The following SLC26A2 variants were observed in gnomAD, a reference collection of about 807,000 sequenced individuals.
The protein encoded by SLC26A2 is solute carrier family 26 member 2, also known as sulfate transporter.
SLC26A2 carries 36 observed loss-of-function variants against 41.1 expected under a neutral mutation model. That is an observed-to-expected ratio of 0.88 (90% confidence interval 0.67 to 1.16). SLC26A2 has a LOEUF of 1.16. Ranked by LOEUF, SLC26A2 falls within the 50% of genes most tolerant of loss-of-function variation. The pLI is 0.00. For synonymous variants in SLC26A2, 291 were observed against 311.6 expected, an observed-to-expected ratio of 0.93 and a Z score of 0.70; for missense variants, 796 against 869.6, an observed-to-expected ratio of 0.92 and a Z score of 1.07.
Position 149,977,644 on chromosome 5 carries a change from T to G in SLC26A2, c.-9T>G. On this transcript the variant is annotated 5_prime_UTR_variant, in exon 2 of 3. Transcript: ENST00000286298. ...CTGGTGTAGGAAGCTGAACCATCTA[T>G]CTCCAGAAATGTCTTCAGAAAGTAA... 1 of 1,593,652 alleles carries G rather than the reference T, an allele frequency of 6.3e-7. No individual in the cohort carries two copies. The highest frequency in any genetic ancestry group is 8.6e-7 in the Non-Finnish European group (1 of 1,161,506).
At chr5:149,980,170 A>C in intron 2 of SLC26A2, 123 bp from the exon 3 acceptor site, 1 of 810,132 alleles carries the variant, frequency 1.2e-6, no homozygotes, top group Admixed American at 1.9e-5. Context: ...GATTGTGTTT[A>C]TTCTAGCTCT....
Position 149,977,860 on chromosome 5 carries a change from G to C in SLC26A2, c.208G>C (p.Val70Leu), listed in dbSNP as rs1217971274. Residue 70 changes from valine (V) to leucine (L), a missense_variant, in exon 2 of 3, where the codon GTT becomes CTT. Coordinates refer to ENST00000286298, the MANE Select transcript of SLC26A2 (RefSeq NM_000112.4). Reference protein sequence around the residue: ...EKSDTNFKEFVIKKLQKNCQC... With the variant: ...EKSDTNFKEFLIKKLQKNCQC... Reference sequence around the variant, plus strand: ...ATCAGATACAAACTTCAAGGAGTTTGTTATTAAAAAGCTGCAGAAGAATTG... The same window carrying C: ...ATCAGATACAAACTTCAAGGAGTTTCTTATTAAAAAGCTGCAGAAGAATTG... The C allele has an allele frequency of 1.9e-6, 3 of 1,614,034 alleles. No individual in the cohort carries two copies. Among genetic ancestry groups the C allele is most frequent in the African/African-American group, 2.7e-5 (2 of 74,936 alleles).
At chr5:149,968,048 A>G (rs1218629715) in intron 1 of SLC26A2, among the ~76,000 whole-genome samples, 1 of 149,170 alleles carries the variant, frequency 6.7e-6, no homozygotes, top group Non-Finnish European at 1.5e-5. Flanking sequence ...TCTTTTGCTT[A>G]ACATAAGGGT....
At chr5:149,962,665 A>G (rs1196799162) in intron 1 of SLC26A2, among the ~76,000 whole-genome samples, 1 of 152,020 alleles carries the variant, frequency 6.6e-6, no homozygotes, top group African/African-American at 2.4e-5. Context: ...ATTTTCCCCC[A>G]TGATTGACAG....
In SLC26A2 at chr5:149,981,321, A is replaced by C. The variant is rs755025339; in HGVS notation, c.1728A>C (p.Pro576=). ...CTTACAAGAACCTTCAGATTAAGCC[A>C]GGCATCAAGATTTTCCGCTTTGTAG... ...VSAYKNLQIK[P]GIKIFRFVAP... The change falls in exon 3 of 3, where the codon CCA becomes CCC. Residue 576 remains proline (P), a synonymous_variant. Coordinates refer to ENST00000286298, the MANE Select transcript of SLC26A2 (RefSeq NM_000112.4). The C allele has an allele frequency of 6.2e-7, 1 of 1,614,156 alleles. No individual in the cohort carries two copies. The highest frequency in any genetic ancestry group is 8.5e-7 in the Non-Finnish European group (1 of 1,180,004).
rs536416205 is a variant in SLC26A2 at position 149,980,549 on chromosome 5, A to G, written c.956A>G (p.Lys319Arg). 20 of 1,614,182 alleles carry G rather than the reference A, an allele frequency of 1.2e-5. No homozygotes were observed. Among genetic ancestry groups the G allele is most frequent in the Admixed American group, 1.2e-4 (7 of 60,030 alleles). The change falls in exon 3 of 3, where the codon AAA becomes AGA. Residue 319 changes from lysine to arginine, a missense_variant. Coordinates refer to ENST00000286298, the MANE Select transcript of SLC26A2 (RefSeq NM_000112.4). ...TGCCTTTTGGTTCTTTTGCCAACCA[A>G]AGAACTCAATGAACACTTCAAATCC... is the stretch of plus-strand genomic sequence containing the variant. ...LLCLLVLLPTKELNEHFKSKL... is the reference protein window; with the variant it reads ...LLCLLVLLPTRELNEHFKSKL...
chr5:149,963,425 T>C (rs245054), intron 1 of SLC26A2, among the ~76,000 whole-genome samples: 54,966 of 151,918 alleles, frequency 0.36, 10,895 homozygotes, highest in Middle Eastern at 0.52. Flanking sequence ...ACCACAGGCA[T>C]GTGCCACCAC....
In SLC26A2 at chr5:149,977,898, A is replaced by C; in HGVS notation, c.246A>C (p.Pro82=). ...KKLQKNCQCS[P]AKAKNMILGF... The stretch of plus-strand genomic sequence containing the variant: ...TGCAGAAGAATTGCCAGTGCAGTCC[A>C]GCCAAAGCCAAAAATATGATTTTAG... Residue 82 remains proline, a synonymous_variant, in exon 2 of 3, where the codon CCA becomes CCC. Coordinates refer to ENST00000286298, the MANE Select transcript of SLC26A2 (RefSeq NM_000112.4). The C allele has an allele frequency of 6.2e-7, 1 of 1,614,256 alleles. No individual in the cohort carries two copies. The highest frequency in any genetic ancestry group is 8.5e-7 in the Non-Finnish European group (1 of 1,180,026).
At chr5:149,973,035 T>C (rs1480972123) in intron 1 of SLC26A2, among the ~76,000 whole-genome samples, 8 of 152,132 alleles carry the variant, frequency 5.3e-5, no homozygotes, top group Admixed American at 5.2e-4. Flanking sequence ...GACCTTACAG[T>C]TTGCTGGGCA....
chr5:149,970,619 A>G (rs140602568), intron 1 of SLC26A2, among the ~76,000 whole-genome samples: 1 of 152,312 alleles, frequency 6.6e-6, no homozygotes, highest in East Asian at 1.9e-4. Flanking sequence ...AGTGACCCTA[A>G]GAATGGAATC....
At chr5:149,980,160 G>C (rs1447442113) in intron 2 of SLC26A2, 133 bp from the exon 3 acceptor site, 1 of 762,884 alleles carries the variant, frequency 1.3e-6, no homozygotes, top group Admixed American at 2.1e-5. Flanking sequence ...ATTGATATAT[G>C]ATTGTGTTTA....
Position 149,986,831 on chromosome 5 carries a change from C to T in SLC26A2, c.*5018C>T, listed in dbSNP as rs575500014. ...AGATGTTCTCTTCCCTTATCTCATG[C>T]GTCATCCCTAAAATAATAAGATACA... On this transcript the variant is annotated 3_prime_UTR_variant, in exon 3 of 3. Coordinates refer to ENST00000286298, the MANE Select transcript of SLC26A2 (RefSeq NM_000112.4). 4 of 152,298 alleles carry T rather than the reference C, an allele frequency of 2.6e-5. No individual in the cohort carries two copies. Among genetic ancestry groups the T allele is most frequent in the East Asian group, 1.9e-4 (1 of 5,190 alleles). 9.4% of individuals were successfully genotyped at this position (152,298 alleles called of 1,614,324 possible). A position where few individuals can be genotyped will look rare whatever the true frequency, so the allele number is the denominator to read the frequency against.
rs536620072 is a variant in SLC26A2, at chr5:149,978,075, G to A, written c.423G>A (p.Leu141=). ...CTGGCCAAGAACCTGTCTATGGTCT[G>A]TACACATCTTTTTTTGCCAGCATCA... ...LLAGQEPVYG[L]YTSFFASIIY... is the part of the protein sequence containing the mutation. Residue 141 remains leucine, a synonymous_variant, in exon 2 of 3, where the codon CTG becomes CTA. Transcript: ENST00000286298. 2.5e-6 allele frequency: 4 copies of A among 1,605,912 alleles called. No individual in the cohort carries two copies. The South Asian group carries it at 4.4e-5, about 18-fold the overall frequency.
chr5:149,974,933 C>T (rs1754967784), intron 1 of SLC26A2, among the ~76,000 whole-genome samples: 1 of 152,108 alleles, frequency 6.6e-6, no homozygotes, highest in African/African-American at 2.4e-5. Flanking sequence ...CCATGTTGGT[C>T]ATGCTGGTCT....
intron 1 of SLC26A2, among the ~76,000 whole-genome samples, chr5:149,965,323 T>TA (rs1327900870): frequency 3.3e-5 from 5 of 151,734 alleles, no homozygotes; most frequent in Non-Finnish European, 1.5e-5. Flanking sequence ...CTACTAAAAA[T>TA]ACAAAAATTA....
intron 2 of SLC26A2, among the ~76,000 whole-genome samples, chr5:149,979,932 G>T (rs1045067896): frequency 1.3e-5 from 2 of 151,958 alleles, no homozygotes; most frequent in Non-Finnish European, 2.9e-5. Flanking sequence ...AAGTTTTCTT[G>T]TGGATCCTTG....
chr5:149,980,296 G>A lies in SLC26A2; in HGVS notation c.703G>A (p.Ala235Thr). The change falls in exon 3 of 3, where the codon GCG becomes ACG. Residue 235 changes from alanine (A) to threonine (T), a missense_variant. By Grantham distance (58) the Ala-to-Thr change is moderately conservative. Coordinates refer to ENST00000286298, the MANE Select transcript of SLC26A2 (RefSeq NM_000112.4). ...ACTTCTATATCCTTCCTTCCAGGTA[G>A]CGATGGGCTTCTTTCAAGTGGGTTT... ...VTFIAGVYQV[A>T]MGFFQVGFVS... 6.2e-7 allele frequency: 1 copy of A among 1,613,376 alleles called. No individual in the cohort carries two copies. The highest frequency in any genetic ancestry group is 1.3e-5 in the African/African-American group (1 of 74,986).
chr5:149,961,819 G>A (rs1467575236), intron 1 of SLC26A2, among the ~76,000 whole-genome samples: 2 of 152,068 alleles, frequency 1.3e-5, no homozygotes, highest in African/African-American at 4.8e-5. Flanking sequence ...GAGGGCCAAA[G>A]CTGTGGGAAA....
chr5:149,963,673 C>G (rs1441762843), intron 1 of SLC26A2, among the ~76,000 whole-genome samples: 1 of 151,378 alleles, frequency 6.6e-6, no homozygotes, highest in African/African-American at 2.4e-5. Flanking sequence ...CCTTGGCCCC[C>G]CAAAGTGCTA....
Sources: gnomAD v4.1 joint callset for allele counts (sites outside exome capture counted in the v4.1 genomes callset) on GRCh38, gnomAD v4.1.1 for gene constraint, MANE v1.5 for transcripts, NCBI Gene and HGNC (gene_info 2026-07-23, HGNC 2026-07-21) for gene names.